The following PPP3CA variants were observed in gnomAD, a reference collection of about 807,000 sequenced individuals.
PPP3CA encodes the protein protein phosphatase 3 catalytic subunit alpha.
Under a neutral mutation model 66.5 loss-of-function variants are expected in PPP3CA, and 14 were observed. The observed-to-expected ratio is 0.21, with a 90% CI of 0.14 to 0.33. The LOEUF is 0.33. PPP3CA is among the 10% of genes least tolerant of loss of function. The pLI is 1.00. For synonymous variants in PPP3CA, 232 were observed against 226.2 expected (o/e 1.03, Z -0.23); for missense variants, 317 against 639.5 (o/e 0.50, Z 5.44).
intron 1 of PPP3CA, among the ~76,000 whole-genome samples, chr4:101,201,968 A>C (rs1724979648): frequency 6.6e-6 from 1 of 152,196 alleles, no homozygotes; most frequent in Non-Finnish European, 1.5e-5. Flanking sequence ...CAGATAACAA[A>C]CATAAGCCAA....
intron 10 of PPP3CA, among the ~76,000 whole-genome samples, chr4:101,051,497 A>G (rs1329022556): frequency 5.3e-5 from 8 of 152,276 alleles, no homozygotes; most frequent in Middle Eastern, 3.4e-3. Context: ...TTTGAAAAAT[A>G]AAGTTTATTT....
intron 8 of PPP3CA, among the ~76,000 whole-genome samples, chr4:101,066,772 C>T (rs1728699377): frequency 6.6e-6 from 1 of 152,114 alleles, no homozygotes; most frequent in Non-Finnish European, 1.5e-5. Context: ...CATCCTCCGC[C>T]CCTGCCACCT....
At chr4:101,090,796 T>A (rs1202860986) in intron 6 of PPP3CA, among the ~76,000 whole-genome samples, 1 of 151,310 alleles carries the variant, frequency 6.6e-6, no homozygotes, top group Non-Finnish European at 1.5e-5. Context: ...ATTTTACAAA[T>A]ATATACACAC....
chr4:101,154,589 T>C (rs2110301330), intron 2 of PPP3CA, among the ~76,000 whole-genome samples: 1 of 152,250 alleles, frequency 6.6e-6, no homozygotes, highest in East Asian at 1.9e-4. Flanking sequence ...ACAGAGATAA[T>C]AGAGAGTCAC....
intron 2 of PPP3CA, among the ~76,000 whole-genome samples, chr4:101,174,851 C>T (rs955098618): frequency 6.6e-6 from 1 of 152,150 alleles, no homozygotes; most frequent in African/African-American, 2.4e-5. Flanking sequence ...GGTACTAACT[C>T]ACTTAATCCC....
chr4:101,325,020 AAAC>A (rs1268038099), intron 1 of PPP3CA, among the ~76,000 whole-genome samples: 1 of 152,242 alleles, frequency 6.6e-6, no homozygotes, highest in African/African-American at 2.4e-5. Context: ...GATGCTTGAA[AAAC>A]AACAATAACA....
chr4:101,095,863 G>C (rs1730173595), intron 5 of PPP3CA, among the ~76,000 whole-genome samples: 2 of 152,114 alleles, frequency 1.3e-5, no homozygotes, highest in African/African-American at 4.8e-5. Flanking sequence ...TGTTGGTCAA[G>C]CCGGTCTCGA....
chr4:101,132,989 G>A (rs1722498161), intron 2 of PPP3CA, among the ~76,000 whole-genome samples: 1 of 151,978 alleles, frequency 6.6e-6, no homozygotes, highest in South Asian at 2.1e-4. Flanking sequence ...ACAGAACCAA[G>A]GACAAAAACC....
intron 1 of PPP3CA, among the ~76,000 whole-genome samples, chr4:101,211,662 A>G (rs1408693052): frequency 6.6e-6 from 1 of 152,170 alleles, no homozygotes; most frequent in Admixed American, 6.6e-5. Context: ...ATTTCCACGT[A>G]TGAACACTGA....
intron 2 of PPP3CA, among the ~76,000 whole-genome samples, chr4:101,122,377 G>C (rs1273983160): frequency 2.0e-5 from 3 of 152,158 alleles, no homozygotes; most frequent in East Asian, 1.9e-4. Context: ...TTCCATGTAA[G>C]AGCTCTTTGT....
At chr4:101,064,908 C>T (rs1418740516) in intron 8 of PPP3CA, among the ~76,000 whole-genome samples, 5 of 151,986 alleles carry the variant, frequency 3.3e-5, no homozygotes, top group Non-Finnish European at 7.4e-5. Context: ...CTGCATTTAA[C>T]TAAACTTGTA....
rs200684996 is a variant in PPP3CA at position 101,035,664 on chromosome 4, T to TG, written c.1242-3301dup. The stretch of plus-strand genomic sequence containing the variant: ...AAGATGGTCATTTTCCTTCCTTCCT[T>TG]GCTCTTTTTTTCTTTCTTGTTCAAC... On this transcript the variant is annotated intron_variant, in intron 11 of 13. Transcript: ENST00000394854. Among the ~76,000 whole-genome samples, 1,047 of 152,282 alleles carry TG rather than the reference T, an allele frequency of 6.9e-3. 7 individuals carry two copies. The highest frequency in any genetic ancestry group is 0.036 in the South Asian group (176 of 4,828).
intron 1 of PPP3CA, among the ~76,000 whole-genome samples, chr4:101,278,129 A>AT (rs1727563152): frequency 6.9e-6 from 1 of 145,734 alleles, no homozygotes; most frequent in African/African-American, 2.8e-5. Context: ...TAGTAAAAAA[A>AT]AAAAAAAAAA....
At position 101,025,246 on chromosome 4, in the gene PPP3CA, T is replaced by C. The variant is rs934375029; in HGVS notation, c.*619A>G. The C allele has an allele frequency of 2.6e-5, 4 of 152,154 alleles. No individual in the cohort carries two copies. The highest frequency in any genetic ancestry group is 5.9e-5 in the Non-Finnish European group (4 of 67,940). The allele number at this position is 152,154 out of a possible 1,614,324, so 9.4% of individuals were successfully genotyped here. A position where few individuals can be genotyped will look rare whatever the true frequency, so the allele number is the denominator to read the frequency against. On this transcript the variant is annotated 3_prime_UTR_variant, in exon 14 of 14. Transcript: ENST00000394854. ...TGAGGTAAGCATAATCTGTACAAAA[T>C]TAAACTGTCCTTTTTGGCATTTTAA...
At chr4:101,317,491 A>C (rs943878173) in intron 1 of PPP3CA, among the ~76,000 whole-genome samples, 1 of 152,134 alleles carries the variant, frequency 6.6e-6, no homozygotes, top group Admixed American at 6.6e-5. Flanking sequence ...GTTGTATTCT[A>C]TGTGTTTTAG....
intron 2 of PPP3CA, among the ~76,000 whole-genome samples, chr4:101,158,993 A>G (rs552525565): frequency 1.3e-5 from 2 of 152,346 alleles, no homozygotes; most frequent in African/African-American, 4.8e-5. Context: ...AACCAAGATA[A>G]TAGTAGTTGA....
chr4:101,301,737 C>T (rs1409150594), intron 1 of PPP3CA, among the ~76,000 whole-genome samples: 3 of 149,098 alleles, frequency 2.0e-5, no homozygotes, highest in Admixed American at 1.3e-4. Flanking sequence ...GTGATCCACC[C>T]GCCTCAGCCT....
chr4:101,343,225 G>A (rs1729872307), intron 1 of PPP3CA, among the ~76,000 whole-genome samples: 1 of 152,166 alleles, frequency 6.6e-6, no homozygotes, highest in Admixed American at 6.5e-5. Context: ...GGAACAGAGG[G>A]AAGGTAGGTT....
chr4:101,030,122 C>T (rs995895518), intron 12 of PPP3CA, among the ~76,000 whole-genome samples: 1 of 152,080 alleles, frequency 6.6e-6, no homozygotes, highest in African/African-American at 2.4e-5. Flanking sequence ...TCTAAACTTC[C>T]ACTATATAAG....
Sources: allele counts gnomAD v4.1 joint callset (sites outside exome capture counted in the v4.1 genomes callset), GRCh38; gene constraint gnomAD v4.1.1; transcripts MANE v1.5; gene names NCBI Gene and HGNC (gene_info 2026-07-23, HGNC 2026-07-21).